The following STRIP1 variants were observed in gnomAD, a reference collection of about 807,000 sequenced individuals.
STRIP1 encodes striatin-interacting protein 1.
Under a neutral mutation model 106.2 loss-of-function variants are expected in STRIP1, and 63 were observed. The observed-to-expected ratio is 0.59, with a 90% CI of 0.48 to 0.73. STRIP1 has a LOEUF of 0.73. Among genes scored for constraint, STRIP1 ranks in the 30% least tolerant of loss-of-function variants. The pLI, the probability that STRIP1 is intolerant of heterozygous loss-of-function variation, is 0.00. For synonymous variants in STRIP1, 390 were observed against 413.0 expected (o/e 0.94, Z 0.67); for missense variants, 857 against 1,074.8 (o/e 0.80, Z 2.83).
At position 110,039,326 on chromosome 1, in the gene STRIP1, AG is replaced by A; in HGVS notation, c.460+23del. 6.2e-7 allele frequency: 1 copy of A among 1,614,050 alleles called. No individual in the cohort carries two copies. ...CTCAAGGTATTGAGTGGACCTCCCC[AG>A]GGTTCCCTGGCACCTCTGCCCACTC... On this transcript the variant is annotated intron_variant, in intron 4 of 20. Coordinates refer to ENST00000369795, the MANE Select transcript of STRIP1 (RefSeq NM_033088.4).
Position 110,034,737 on chromosome 1 carries a change from G to A in STRIP1, c.100G>A (p.Gly34Arg), listed in dbSNP as rs1472588415. 2.0e-6 allele frequency: 3 copies of A among 1,475,650 alleles called. No homozygotes were observed. The highest frequency in any genetic ancestry group is 1.3e-5 in the South Asian group (1 of 74,668). The allele number at this position is 1,475,650 out of a possible 1,614,324, so 91.4% of individuals were successfully genotyped here. Residue 34 changes from glycine (G) to arginine (R), a missense_variant, in exon 1 of 21, where the codon GGG becomes AGG. Around this residue, in one of 2 missense-constraint regions of STRIP1, gnomAD observed 107 missense variants for 85.1 expected, o/e 1.26. Coordinates refer to ENST00000369795, the MANE Select transcript of STRIP1 (RefSeq NM_033088.4). Reference sequence around the variant, plus strand: ...GCCGGCAGCCGCACAGCCACCACCCGGGGCACCGCGGGCCGCCGCGGGCCT... The same window carrying A: ...GCCGGCAGCCGCACAGCCACCACCCAGGGCACCGCGGGCCGCCGCGGGCCT... ...PPPAAAQPPP[G>R]APRAAAGLLP...
Position 110,054,043 on chromosome 1 carries a change from G to C in STRIP1, c.*131G>C, listed in dbSNP as rs1400301644. The C allele has an allele frequency of 8.3e-7, 1 of 1,205,520 alleles. No individual in the cohort carries two copies. The highest frequency in any genetic ancestry group is 1.2e-6 in the Non-Finnish European group (1 of 852,726). 74.7% of individuals were successfully genotyped at this position (1,205,520 alleles called of 1,614,324 possible). A position where few individuals can be genotyped will look rare whatever the true frequency, so the allele number is the denominator to read the frequency against. On this transcript the variant is annotated 3_prime_UTR_variant, in exon 21 of 21. Transcript: ENST00000369795. ...GCACAGCCCCACTGTGTCTTCCGCA[G>C]TCTGTCCTGGGCTTGGGTGAGCCCA... is the stretch of plus-strand genomic sequence containing the variant.
chr1:110,049,671 T>C, intron 17 of STRIP1, 111 bp downstream of exon 17: 2 of 715,918 alleles, frequency 2.8e-6, no homozygotes, highest in Non-Finnish European at 4.8e-6. Flanking sequence ...AGCACTGTGC[T>C]AGGCATCAAG....
intron 5 of STRIP1, 169 bp downstream of exon 5, chr1:110,039,684 A>C (rs2101768635): frequency 9.9e-7 from 1 of 1,009,902 alleles, no homozygotes; most frequent in South Asian, 1.5e-5. Flanking sequence ...TTACACCTTG[A>C]AGATTAATGG....
chr1:110,038,447 G>A (rs1329511575), intron 2 of STRIP1, among the ~76,000 whole-genome samples: 3 of 152,198 alleles, frequency 2.0e-5, no homozygotes, highest in Non-Finnish European at 2.9e-5. Context: ...GGCATGGTGG[G>A]ATGGATGCAC....
chr1:110,047,743 C>T (rs377629077), intron 14 of STRIP1, 29 bp from the exon 15 acceptor site: 67 of 1,553,730 alleles, frequency 4.3e-5, no homozygotes, highest in African/African-American at 1.1e-4. Flanking sequence ...GGCTCTCAGA[C>T]CTGTGTCTGA....
At chr1:110,039,122 A>C (rs779932834) in intron 3 of STRIP1, 50 bp from the exon 4 acceptor site, 1 of 1,607,168 alleles carries the variant, frequency 6.2e-7, no homozygotes, top group Non-Finnish European at 8.5e-7. Flanking sequence ...GGTCCATGCC[A>C]TTGTGAGGAT....
At chr1:110,051,925 T>G in intron 20 of STRIP1, 38 bp downstream of exon 20, 1 of 1,604,120 alleles carries the variant, frequency 6.2e-7, no homozygotes, top group South Asian at 1.1e-5. Flanking sequence ...GGTGGGAGTG[T>G]GTCGGGAAAA....
intron 12 of STRIP1, 126 bp downstream of exon 12, chr1:110,045,204 G>A: frequency 1.3e-6 from 1 of 768,288 alleles, no homozygotes; most frequent in Non-Finnish European, 2.2e-6. Flanking sequence ...GGCCGGGGTG[G>A]ACTTTGCAAT....
At chr1:110,035,090 C>G (rs560661192) in intron 1 of STRIP1, among the ~76,000 whole-genome samples, 1 of 152,352 alleles carries the variant, frequency 6.6e-6, no homozygotes, top group East Asian at 1.9e-4. Flanking sequence ...TGGGCGTGGC[C>G]TCGAGGCCCT....
At chr1:110,047,718 T>C in intron 14 of STRIP1, 54 bp from the exon 15 acceptor site, 4 of 1,543,680 alleles carry the variant, frequency 2.6e-6, no homozygotes, top group Non-Finnish European at 3.5e-6. Flanking sequence ...TGCTCAGAGC[T>C]TAATTTTGAC....
chr1:110,049,281 C>G, intron 16 of STRIP1, 43 bp downstream of exon 16: 5 of 1,613,046 alleles, frequency 3.1e-6, no homozygotes, highest in Non-Finnish European at 4.2e-6. Context: ...GCTGGGGCCT[C>G]GGGCACTGCT....
At chr1:110,042,839 A>G (rs977156820) in intron 8 of STRIP1, 1 of 464,700 alleles carries the variant, frequency 2.2e-6, no homozygotes, top group African/African-American at 2.0e-5. Context: ...ATAGGTGCAG[A>G]GTTAGTGTAT....
intron 19 of STRIP1, among the ~76,000 whole-genome samples, chr1:110,051,332 A>G (rs549164822): frequency 6.6e-6 from 1 of 152,346 alleles, no homozygotes; most frequent in African/African-American, 2.4e-5. Flanking sequence ...CAGGGTTCTG[A>G]GAATCTTCCT....
At chr1:110,034,462 TCAA>T (rs1652330186), upstream of STRIP1, among the ~76,000 whole-genome samples, 1 of 152,008 alleles carries the variant, frequency 6.6e-6, no homozygotes, top group African/African-American at 2.4e-5. Flanking sequence ...ACTAAAAAGA[TCAA>T]CAAGGGAAGG....
chr1:110,041,807 C>T lies in STRIP1; in HGVS notation c.831C>T (p.His277=), dbSNP rs768247212. The T allele has an allele frequency of 5.0e-6, 8 of 1,614,044 alleles. No individual in the cohort carries two copies. In the East Asian group the frequency reaches 6.7e-5, roughly 13 times the overall value. The change falls in exon 8 of 21, where the codon CAC becomes CAT. Residue 277 remains histidine, a synonymous_variant. Transcript: ENST00000369795. ...TGGTGACCAAATTTTGCAGTGGTCA[C>T]GCCCCTCACTTTCCCATGAAGAAAG... ...FGMVTKFCSG[H]APHFPMKKVL... is the part of the protein sequence containing the mutation.
At chr1:110,037,847 A>G (rs1271622972) in intron 1 of STRIP1, 44 bp from the exon 2 acceptor site, 2 of 1,352,272 alleles carry the variant, frequency 1.5e-6, no homozygotes, top group Admixed American at 3.4e-5. Flanking sequence ...TCTTTGATAA[A>G]TAGAATGATC....
intron 5 of STRIP1, 44 bp downstream of exon 5, chr1:110,039,559 TG>T: frequency 6.4e-7 from 1 of 1,568,302 alleles, no homozygotes. Flanking sequence ...GAGGCTGGGA[TG>T]GGAAGGGGGA....
chr1:110,053,304 C>T (rs1175428474), intron 20 of STRIP1, among the ~76,000 whole-genome samples: 11 of 152,252 alleles, frequency 7.2e-5, no homozygotes, highest in Non-Finnish European at 1.3e-4. Context: ...CCCACAGTGG[C>T]ACACGGTACC....
Sources: gnomAD v4.1 joint callset for allele counts (sites outside exome capture counted in the v4.1 genomes callset) on GRCh38, gnomAD v4.1.1 for gene constraint, gnomAD v4.1.1 regional missense constraint, MANE v1.5 for transcripts, NCBI Gene and HGNC (gene_info 2026-07-23, HGNC 2026-07-21) for gene names.